NHSL1: variants seen among roughly 807,000 people sequenced by gnomAD.
NHSL1 encodes the protein NHS-like protein 1.
NHSL1 carries 48 observed loss-of-function variants against 95.0 expected under a neutral mutation model. The ratio of observed to expected loss-of-function variants is 0.51; its 90% CI spans 0.40 to 0.64. The LOEUF (loss-of-function observed/expected upper bound fraction) is 0.64. NHSL1 is among the 30% of genes least tolerant of loss of function. The pLI is 0.00. For missense variants in NHSL1, 1,971 were observed against 2,077.7 expected (o/e 0.95, Z 1.00); for synonymous variants, 783 against 833.9 (o/e 0.94, Z 1.05).
chr6:138,605,543 C>G (rs1784421604), intron 1 of NHSL1, among the ~76,000 whole-genome samples: 1 of 152,190 alleles, frequency 6.6e-6, no homozygotes, highest in Admixed American at 6.5e-5. Flanking sequence ...CATAAAAAGA[C>G]AAAGGTGTCA....
chr6:138,546,918 C>T (rs1044199700), upstream of NHSL1, among the ~76,000 whole-genome samples: 6 of 152,198 alleles, frequency 3.9e-5, no homozygotes, highest in African/African-American at 1.4e-4. Flanking sequence ...AATACTGCCT[C>T]AGGAGCACCC....
intron 1 of NHSL1, among the ~76,000 whole-genome samples, chr6:138,498,243 A>G (rs1408941891): frequency 6.6e-6 from 1 of 152,196 alleles, no homozygotes; most frequent in Non-Finnish European, 1.5e-5. Flanking sequence ...AACTTTTCCT[A>G]TTCGACAATT....
intron 4 of NHSL1, among the ~76,000 whole-genome samples, chr6:138,443,235 A>C (rs1776646750): frequency 6.6e-6 from 1 of 152,212 alleles, no homozygotes; most frequent in African/African-American, 2.4e-5. Flanking sequence ...AAAACAGAGA[A>C]TAAAACATCT....
In NHSL1 at chr6:138,433,066, T is replaced by C. The variant is rs769522991; in HGVS notation, c.1279A>G (p.Ile427Val). 8.4e-6 allele frequency: 13 copies of C among 1,551,344 alleles called. No homozygotes were observed. The highest frequency in any genetic ancestry group is 1.1e-5 in the Non-Finnish European group (13 of 1,146,876). The change falls in exon 6 of 8, where the codon ATT (isoleucine) becomes GTT (valine). Residue 427 changes from isoleucine to valine, a missense_variant. Around this residue, in one of 3 missense-constraint regions of NHSL1, gnomAD observed 1,602 missense variants for 1,654.5 expected, o/e 0.97. Transcript: ENST00000343505. ...TGTCCCGCACTCTGAGCAGTGGGAA[T>C]AGCGATGACCTCGGAAGAGGAAGAC... ...TLSSSSEVIA[I>V]PTAQSAGQRE... is the part of the protein sequence containing the mutation.
chr6:138,456,808 A>C (rs949627313), intron 3 of NHSL1, among the ~76,000 whole-genome samples: 1 of 151,486 alleles, frequency 6.6e-6, no homozygotes, highest in African/African-American at 2.4e-5. Flanking sequence ...AAAGTCAAAA[A>C]CAGTACACAA....
intron 1 of NHSL1, among the ~76,000 whole-genome samples, chr6:138,625,230 C>T (rs371948505): frequency 9.9e-4 from 150 of 152,208 alleles, no homozygotes; most frequent in African/African-American, 3.5e-3. Context: ...GCAACCTCCG[C>T]CTCCCAGGTT....
intron 3 of NHSL1, among the ~76,000 whole-genome samples, chr6:138,463,532 T>A (rs2128236800): frequency 6.6e-6 from 1 of 151,948 alleles, no homozygotes; most frequent in South Asian, 2.1e-4. Context: ...TAAAGTTTTA[T>A]TTTTTATTTT....
intron 1 of NHSL1, among the ~76,000 whole-genome samples, chr6:138,615,219 C>T (rs1024286200): frequency 8.5e-5 from 13 of 152,202 alleles, no homozygotes; most frequent in Non-Finnish European, 1.8e-4. Flanking sequence ...AGCCCACACC[C>T]TCCAGGAAGC....
At chr6:138,497,068 G>C (rs1780396201) in intron 1 of NHSL1, among the ~76,000 whole-genome samples, 1 of 152,082 alleles carries the variant, frequency 6.6e-6, no homozygotes, top group Non-Finnish European at 1.5e-5. Context: ...AATTTTCCCA[G>C]CACAGAAGAG....
chr6:138,472,299 C>T (rs1163276974), intron 3 of NHSL1, among the ~76,000 whole-genome samples: 4 of 151,902 alleles, frequency 2.6e-5, no homozygotes, highest in Admixed American at 2.6e-4. Context: ...GTTTTATTGC[C>T]CAGGTTGGAG....
intron 1 of NHSL1, among the ~76,000 whole-genome samples, chr6:138,586,007 G>T (rs1784130055): frequency 6.6e-6 from 1 of 151,984 alleles, no homozygotes; most frequent in South Asian, 2.1e-4. Flanking sequence ...AGCTGTGATT[G>T]TGCCACTGCA....
chr6:138,654,859 C>T (rs1358550452), intron 1 of NHSL1, among the ~76,000 whole-genome samples: 1 of 152,104 alleles, frequency 6.6e-6, no homozygotes, highest in Non-Finnish European at 1.5e-5. Flanking sequence ...CAGTATGATT[C>T]TAATTATGTG....
chr6:138,627,102 G>C (rs1302500606), intron 1 of NHSL1, among the ~76,000 whole-genome samples: 2 of 152,186 alleles, frequency 1.3e-5, no homozygotes, highest in Non-Finnish European at 1.5e-5. Context: ...ATGTTGATGA[G>C]AAATTGTCTT....
chr6:138,618,925 C>T (rs901406138), intron 1 of NHSL1, among the ~76,000 whole-genome samples: 6 of 152,160 alleles, frequency 3.9e-5, no homozygotes, highest in African/African-American at 1.4e-4. Context: ...AAGTCATTTG[C>T]CTCAGCCCCT....
intron 1 of NHSL1, among the ~76,000 whole-genome samples, chr6:138,622,754 A>G (rs567168788): frequency 5.9e-5 from 9 of 152,214 alleles, no homozygotes; most frequent in Non-Finnish European, 1.3e-4. Flanking sequence ...ACAAACATCT[A>G]TTGATTACTC....
chr6:138,665,648 T>C (rs1785284440), intron 1 of NHSL1, among the ~76,000 whole-genome samples: 1 of 152,228 alleles, frequency 6.6e-6, no homozygotes. Flanking sequence ...AAATTATTAA[T>C]ACTAATTCCC....
chr6:138,655,012 T>A (rs894904637), intron 1 of NHSL1, among the ~76,000 whole-genome samples: 1 of 152,184 alleles, frequency 6.6e-6, no homozygotes, highest in African/African-American at 2.4e-5. Flanking sequence ...TTGATTAGGT[T>A]ACAATATTTT....
At chr6:138,612,399 A>G (rs1784526496) in intron 1 of NHSL1, among the ~76,000 whole-genome samples, 1 of 152,214 alleles carries the variant, frequency 6.6e-6, no homozygotes, top group African/African-American at 2.4e-5. Flanking sequence ...GATTAAAACC[A>G]TGGTATATGC....
intron 1 of NHSL1, among the ~76,000 whole-genome samples, chr6:138,596,222 G>A (rs1050456152): frequency 5.7e-4 from 86 of 152,062 alleles, no homozygotes; most frequent in African/African-American, 2.0e-3. Flanking sequence ...AAACCCACTG[G>A]ACATCAGGAC....
Sources: allele counts gnomAD v4.1 joint callset (sites outside exome capture counted in the v4.1 genomes callset), GRCh38; gene constraint gnomAD v4.1.1; regional missense constraint gnomAD v4.1.1; transcripts MANE v1.5; gene names NCBI Gene and HGNC (gene_info 2026-07-23, HGNC 2026-07-21).